TRIM59: variants seen among roughly 807,000 people sequenced by gnomAD.
TRIM59 encodes the protein tripartite motif containing 59.
TRIM59 carries 14 observed loss-of-function variants against 32.2 expected under a neutral mutation model. The ratio of observed to expected loss-of-function variants is 0.43; its 90% CI spans 0.29 to 0.68. The LOEUF (loss-of-function observed/expected upper bound fraction) is 0.68. Ranked by LOEUF, TRIM59 falls within the 30% of genes least tolerant of loss-of-function variation. The pLI is 0.15. For synonymous variants in TRIM59, 163 were observed against 155.1 expected (o/e 1.05, Z -0.38); for missense variants, 471 against 463.3 (o/e 1.02, Z -0.15).
intron 2 of TRIM59, among the ~76,000 whole-genome samples, chr3:160,445,773 C>CAA (rs75175042): frequency 2.3e-4 from 21 of 90,896 alleles, no homozygotes; most frequent in African/African-American, 4.6e-4. Context: ...GACTCTGTCT[C>CAA]AAAAAAAAAA....
rs540377079 is a variant in TRIM59 at position 160,437,456 on chromosome 3, T to C, written c.*516A>G. The C allele has an allele frequency of 1.0e-6, 1 of 985,428 alleles. No homozygotes were observed. Among genetic ancestry groups the C allele is most frequent in the Admixed American group, 6.1e-5 (1 of 16,284 alleles). The allele number at this position is 985,428 out of a possible 1,614,324, so 61.0% of individuals were successfully genotyped here. ...AGCATTTAGGGCTCTTAAATCTATC[T>C]CAAACACAGGTATGTTTGATCAAAA... is the stretch of plus-strand genomic sequence containing the variant. On this transcript the variant is annotated 3_prime_UTR_variant, in exon 3 of 3. Coordinates refer to ENST00000309784, the MANE Select transcript of TRIM59 (RefSeq NM_173084.3).
At chr3:160,441,753 C>CAAAA (rs538957200) in intron 2 of TRIM59, among the ~76,000 whole-genome samples, 1 of 50,110 alleles carries the variant, frequency 2.0e-5, no homozygotes, top group Non-Finnish European at 4.6e-5. Context: ...GACTCCATCT[C>CAAAA]AAAAAAAAAA....
chr3:160,446,007 C>A (rs1303068476), intron 2 of TRIM59, among the ~76,000 whole-genome samples: 1 of 152,052 alleles, frequency 6.6e-6, no homozygotes, highest in African/African-American at 2.4e-5. Context: ...TAGGGTCTCA[C>A]TACGTTGCCC....
intron 2 of TRIM59, among the ~76,000 whole-genome samples, chr3:160,447,006 C>T (rs1006091501): frequency 1.3e-5 from 2 of 149,976 alleles, no homozygotes; most frequent in East Asian, 2.0e-4. Context: ...TACACAGTTT[C>T]AGTTTGGGAA....
rs910712254 is a variant in TRIM59 at position 160,436,679 on chromosome 3, T to C, written c.*1293A>G. ...TGGGCGTGGTAGCAGATGCCTGTAG[T>C]CCCAGCTACTCGGGAGGCTGAGGCA... On this transcript the variant is annotated 3_prime_UTR_variant, in exon 3 of 3. Transcript: ENST00000309784. 1 of 525,566 alleles carries C rather than the reference T, an allele frequency of 1.9e-6. No homozygotes were observed. The highest frequency in any genetic ancestry group is 2.4e-6 in the Non-Finnish European group (1 of 410,014). The allele number at this position is 525,566 out of a possible 1,614,324, so 32.6% of individuals were successfully genotyped here.
Position 160,435,787 on chromosome 3 carries a change from C to T in TRIM59, c.*2185G>A. 3 of 455,192 alleles carry T rather than the reference C, an allele frequency of 6.6e-6. No homozygotes were observed. Among genetic ancestry groups the T allele is most frequent in the Non-Finnish European group, 1.3e-5 (3 of 238,426 alleles). 28.2% of individuals were successfully genotyped at this position (455,192 alleles called of 1,614,324 possible). A position where few individuals can be genotyped will look rare whatever the true frequency, so the allele number is the denominator to read the frequency against. On this transcript the variant is annotated 3_prime_UTR_variant, in exon 3 of 3. Coordinates refer to ENST00000309784, the MANE Select transcript of TRIM59 (RefSeq NM_173084.3). ...ATTACAAACCCTTACCAACATTAAT[C>T]TTGGCCTACTTTAAAGTTGAGTGAT...
intron 2 of TRIM59, among the ~76,000 whole-genome samples, chr3:160,441,547 A>T (rs1329371310): frequency 6.6e-6 from 1 of 152,094 alleles, no homozygotes; most frequent in Non-Finnish European, 1.5e-5. Context: ...AGGTCAGGTG[A>T]TTGAGACCAT....
Position 160,435,672 on chromosome 3 carries a change from A to C in TRIM59, c.*2300T>G. On this transcript the variant is annotated 3_prime_UTR_variant, in exon 3 of 3. Coordinates refer to ENST00000309784, the MANE Select transcript of TRIM59 (RefSeq NM_173084.3). ...ACTCAACTATATTCATGCATACTTA[A>C]CAAAATGAAAAGTTCTCCTAAAAAC... is the stretch of plus-strand genomic sequence containing the variant. 1 of 254,416 alleles carries C rather than the reference A, an allele frequency of 3.9e-6. No individual in the cohort carries two copies. The highest frequency in any genetic ancestry group is 8.0e-6 in the Non-Finnish European group (1 of 125,542). 15.8% of individuals were successfully genotyped at this position (254,416 alleles called of 1,614,324 possible). A position where few individuals can be genotyped will look rare whatever the true frequency, so the allele number is the denominator to read the frequency against.
rs1371506791 is a variant in TRIM59 at position 160,449,756 on chromosome 3, AAC to A, written c.-115_-114del. 4.7e-6 allele frequency: 6 copies of A among 1,286,422 alleles called. No individual in the cohort carries two copies. The highest frequency in any genetic ancestry group is 3.0e-5 in the African/African-American group (2 of 65,756). 79.7% of individuals were successfully genotyped at this position (1,286,422 alleles called of 1,614,324 possible). On this transcript the variant is annotated 5_prime_UTR_variant, in exon 1 of 3. Coordinates refer to ENST00000309784, the MANE Select transcript of TRIM59 (RefSeq NM_173084.3). Reference sequence around the variant, plus strand: ...GGACCAGGCAACTCCACAGCACGGAAACACAGCGCCACGAGCTCCAGGCGGAT... The same window carrying A: ...GGACCAGGCAACTCCACAGCACGGAAACAGCGCCACGAGCTCCAGGCGGAT...
intron 1 of TRIM59, chr3:160,449,381 C>G: frequency 1.4e-6 from 1 of 691,016 alleles, no homozygotes; most frequent in Non-Finnish European, 2.0e-6. Context: ...TCCACTCTCC[C>G]AGGCCTCCCT....
chr3:160,446,567 T>C (rs1415906156), intron 2 of TRIM59, among the ~76,000 whole-genome samples: 3 of 152,104 alleles, frequency 2.0e-5, no homozygotes, highest in Non-Finnish European at 1.5e-5. Context: ...ATATAATATA[T>C]ATAATATCAA....
In TRIM59 at chr3:160,438,729, A is replaced by G; in HGVS notation, c.455T>C (p.Leu152Ser). The G allele has an allele frequency of 6.2e-7, 1 of 1,614,048 alleles. No homozygotes were observed. The highest frequency in any genetic ancestry group is 8.5e-7 in the Non-Finnish European group (1 of 1,179,988). Residue 152 changes from leucine (L) to serine (S), a missense_variant, in exon 3 of 3, where the codon TTG (leucine) becomes TCG (serine). By Grantham distance (145) the Leu-to-Ser change is moderately radical (BLOSUM62 -2). Coordinates refer to ENST00000309784, the MANE Select transcript of TRIM59 (RefSeq NM_173084.3). ...KDTPQKLLEQ[L>S]TDTHWTDLTH... is the part of the protein sequence containing the mutation. ...AAGATCTGTCCAGTGTGTGTCAGTCAACTGTTCAAGCAGTTTTTGAGGAGT... is the reference window on the plus strand; with the variant it reads ...AAGATCTGTCCAGTGTGTGTCAGTCGACTGTTCAAGCAGTTTTTGAGGAGT...
intron 2 of TRIM59, among the ~76,000 whole-genome samples, chr3:160,442,926 T>C (rs910807296): frequency 6.6e-6 from 1 of 152,136 alleles, no homozygotes. Context: ...AAGACCAACC[T>C]GGGCAACACC....
intron 2 of TRIM59, among the ~76,000 whole-genome samples, chr3:160,439,390 G>A (rs1317384222): frequency 1.3e-5 from 2 of 152,076 alleles, no homozygotes; most frequent in Admixed American, 1.3e-4. Context: ...TTATTCCTTA[G>A]GGACCAAAAT....
At chr3:160,444,801 T>C (rs930608767) in intron 2 of TRIM59, among the ~76,000 whole-genome samples, 1 of 152,152 alleles carries the variant, frequency 6.6e-6, no homozygotes, top group Non-Finnish European at 1.5e-5. Flanking sequence ...AAAAGACATC[T>C]TGAATATCTG....
At chr3:160,447,527 C>T (rs1719600097) in intron 2 of TRIM59, among the ~76,000 whole-genome samples, 1 of 152,130 alleles carries the variant, frequency 6.6e-6, no homozygotes, top group Non-Finnish European at 1.5e-5. Context: ...TAGTGAGCCT[C>T]CCTGATGTCT....
chr3:160,445,988 T>C (rs560287991), intron 2 of TRIM59, among the ~76,000 whole-genome samples: 1 of 152,122 alleles, frequency 6.6e-6, no homozygotes, highest in African/African-American at 2.4e-5. Context: ...TTTTTATGCT[T>C]TGTAGAGATA....
At chr3:160,443,124 GA>G (rs139762075) in intron 2 of TRIM59, among the ~76,000 whole-genome samples, 7 of 148,054 alleles carry the variant, frequency 4.7e-5, no homozygotes, top group Middle Eastern at 3.5e-3. Context: ...GCCTTTTTTA[GA>G]AAAAAAAAAG....
At chr3:160,443,083 C>T (rs546599608) in intron 2 of TRIM59, among the ~76,000 whole-genome samples, 1 of 152,302 alleles carries the variant, frequency 6.6e-6, no homozygotes, top group East Asian at 1.9e-4. Context: ...TGTGCCACTG[C>T]ACTCCAGCCT....
Sources: gnomAD v4.1 joint callset for allele counts (sites outside exome capture counted in the v4.1 genomes callset) on GRCh38, gnomAD v4.1.1 for gene constraint, MANE v1.5 for transcripts, NCBI Gene and HGNC (gene_info 2026-07-23, HGNC 2026-07-21) for gene names.